Variants in REDIC1 observed in about 807,000 individuals in gnomAD.
The protein encoded by REDIC1 is HEI10 Interacting Protein 1.
At chr12:39,786,122 G>A in the REDIC1 span, among the ~76,000 whole-genome samples, 247 of 152,224 alleles carry the variant, frequency 1.6e-3, 2 homozygotes, top group East Asian at 0.025. Flanking sequence ...GAGGGGCCAG[G>A]GGCGGAATGA....
the REDIC1 span, among the ~76,000 whole-genome samples, chr12:39,862,964 T>A: frequency 6.6e-6 from 1 of 152,168 alleles, no homozygotes; most frequent in South Asian, 2.1e-4. Context: ...AAAAACCCAG[T>A]AAGCGGACTG....
chr12:39,652,632 T>C, the REDIC1 span, among the ~76,000 whole-genome samples: 19 of 152,262 alleles, frequency 1.2e-4, no homozygotes, highest in East Asian at 3.1e-3. Flanking sequence ...ATTGTGCTTA[T>C]GGTGTCAAAA....
chr12:39,698,442 C>T, the REDIC1 span, among the ~76,000 whole-genome samples: 1 of 152,066 alleles, frequency 6.6e-6, no homozygotes, highest in Non-Finnish European at 1.5e-5. Context: ...ACAGATCTTC[C>T]AGAAAGAACA....
the REDIC1 span, among the ~76,000 whole-genome samples, chr12:39,711,942 CAT>C: frequency 3.3e-5 from 4 of 120,518 alleles, no homozygotes; most frequent in East Asian, 2.6e-4. Context: ...TGTATATAGA[CAT>C]GTATACATAC....
At chr12:39,737,341 G>T in the REDIC1 span, among the ~76,000 whole-genome samples, 1 of 152,164 alleles carries the variant, frequency 6.6e-6, no homozygotes, top group Admixed American at 6.5e-5. Context: ...CTAGTGTCTA[G>T]CATTTCTTTC....
At chr12:39,828,435 G>T in the REDIC1 span, among the ~76,000 whole-genome samples, 1 of 151,916 alleles carries the variant, frequency 6.6e-6, no homozygotes. Flanking sequence ...AGAGTGAGTT[G>T]TTGAATTAAT....
the REDIC1 span, among the ~76,000 whole-genome samples, chr12:39,713,921 ATATT>A: frequency 5.4e-5 from 8 of 148,434 alleles, no homozygotes; most frequent in Non-Finnish European, 6.0e-5. Flanking sequence ...GTATATGTAT[ATATT>A]AAATTATGTG....
At chr12:39,896,312 ATAT>A in the REDIC1 span, among the ~76,000 whole-genome samples, 2 of 129,460 alleles carry the variant, frequency 1.5e-5, no homozygotes, top group South Asian at 5.3e-4. Flanking sequence ...ATGTATACAT[ATAT>A]GTATGTATAT....
At chr12:39,674,501 A>G in the REDIC1 span, among the ~76,000 whole-genome samples, 1 of 152,176 alleles carries the variant, frequency 6.6e-6, no homozygotes, top group Non-Finnish European at 1.5e-5. Context: ...AACCAAAAGA[A>G]TTCAAAGACC....
the REDIC1 span, among the ~76,000 whole-genome samples, chr12:39,807,674 C>A: frequency 1.3e-5 from 2 of 152,002 alleles, no homozygotes; most frequent in Non-Finnish European, 2.9e-5. Flanking sequence ...TTTTCTATTT[C>A]TTTTTGTGTT....
At chr12:39,789,097 C>A in the REDIC1 span, among the ~76,000 whole-genome samples, 2 of 152,094 alleles carry the variant, frequency 1.3e-5, no homozygotes, top group Non-Finnish European at 2.9e-5. Context: ...ACTCACCAAT[C>A]AGCTTATTAA....
chr12:39,698,635 T>C, the REDIC1 span, among the ~76,000 whole-genome samples: 1 of 152,198 alleles, frequency 6.6e-6, no homozygotes, highest in Non-Finnish European at 1.5e-5. Context: ...ATTGAAATGA[T>C]ATCAAATATC....
chr12:39,713,263 TATATGTGTAC>T, the REDIC1 span, among the ~76,000 whole-genome samples: 8,146 of 62,204 alleles, frequency 0.13, 1,550 homozygotes, highest in African/African-American at 0.31. Flanking sequence ...CATACGTGTA[TATATGTGTAC>T]ACACACATAC....
At chr12:39,858,314 G>A in the REDIC1 span, among the ~76,000 whole-genome samples, 15 of 152,054 alleles carry the variant, frequency 9.9e-5, no homozygotes, top group African/African-American at 3.6e-4. Context: ...TATCTCCAAT[G>A]GGTCTGTAGA....
the REDIC1 span, among the ~76,000 whole-genome samples, chr12:39,731,809 CCTGA>C: frequency 6.7e-6 from 1 of 149,884 alleles, no homozygotes; most frequent in Admixed American, 6.7e-5. Flanking sequence ...TCTGTATGCC[CCTGA>C]CTGTTTCTGC....
chr12:39,879,975 G>A, the REDIC1 span, among the ~76,000 whole-genome samples: 70 of 152,208 alleles, frequency 4.6e-4, no homozygotes, highest in South Asian at 2.3e-3. Context: ...TCATGGTTTG[G>A]TCCTGTCTTA....
chr12:39,743,891 G>C, the REDIC1 span, among the ~76,000 whole-genome samples: 1 of 152,126 alleles, frequency 6.6e-6, no homozygotes, highest in Admixed American at 6.5e-5. Flanking sequence ...CACCAGAAGA[G>C]AATAAAGACA....
the REDIC1 span, among the ~76,000 whole-genome samples, chr12:39,771,827 C>T: frequency 6.6e-6 from 1 of 152,226 alleles, no homozygotes; most frequent in South Asian, 2.1e-4. Context: ...GTGGCTGCAG[C>T]CTACCTTATC....
chr12:39,628,190 A>G, the REDIC1 span, among the ~76,000 whole-genome samples: 1 of 152,148 alleles, frequency 6.6e-6, no homozygotes, highest in African/African-American at 2.4e-5. Context: ...GTTGCATTGT[A>G]GAGTGAAATG....
Sources: gnomAD v4.1 joint callset for allele counts (sites outside exome capture counted in the v4.1 genomes callset) on GRCh38, gnomAD v4.1.1 for gene constraint, MANE v1.5 for transcripts, NCBI Gene and HGNC (gene_info 2026-07-23, HGNC 2026-07-21) for gene names.